Variants in GLP1R observed in about 807,000 individuals in gnomAD.
GLP1R encodes glucagon like peptide 1 receptor.
Under a neutral mutation model 68.4 loss-of-function variants are expected in GLP1R, and 32 were observed. The observed-to-expected ratio is 0.47, with a 90% CI of 0.35 to 0.63. The LOEUF (loss-of-function observed/expected upper bound fraction) is 0.63. Ranked by LOEUF, GLP1R falls within the 20% of genes least tolerant of loss-of-function variation. GLP1R has a pLI of 0.00. For synonymous variants in GLP1R, 263 were observed against 244.4 expected, an observed-to-expected ratio of 1.08 and a Z score of -0.71; for missense variants, 502 against 594.9, an observed-to-expected ratio of 0.84 and a Z score of 1.62.
Position 39,090,762 on chromosome 6 carries a change from A to G in GLP1R, c.*4689A>G, listed in dbSNP as rs1284907260. Among the ~76,000 whole-genome samples the G allele has an allele frequency of 6.6e-6, 1 of 152,172 alleles. No homozygotes were observed. Among genetic ancestry groups the G allele is most frequent in the Admixed American group, 6.5e-5 (1 of 15,278 alleles). ...AAGCAATTCAGGACAAGAAAAACAT[A>G]TCTAAATGAGAATGTTTAGATGTGG... On this transcript the variant is annotated 3_prime_UTR_variant, in exon 13 of 13. Transcript: ENST00000373256.
chr6:39,057,535 T>C lies in GLP1R; in HGVS notation c.239T>C (p.Phe80Ser). ...ACWPDGEPGS[F>S]VNVSCPWYLP... ...TGGCCAGATGGGGAGCCAGGCTCGT[T>C]CGTGAATGTCAGCTGCCCCTGGTAC... The change falls in exon 3 of 13, where the codon TTC (phenylalanine) becomes TCC (serine). Residue 80 changes from phenylalanine to serine, a missense_variant. Coordinates refer to ENST00000373256, the MANE Select transcript of GLP1R (RefSeq NM_002062.5). 6.2e-7 allele frequency: 1 copy of C among 1,613,240 alleles called. No homozygotes were observed. The highest frequency in any genetic ancestry group is 8.5e-7 in the Non-Finnish European group (1 of 1,179,662).
Position 39,056,377 on chromosome 6 carries a change from CATA to C in GLP1R, c.79-19_79-17del. 7.4e-7 allele frequency: 1 copy of C among 1,354,254 alleles called. No individual in the cohort carries two copies. The allele number at this position is 1,354,254 out of a possible 1,614,324, so 83.9% of individuals were successfully genotyped here. ...GGGCTGGCTGAACCCACAGGCCTCC[CATA>C]TATGCCCTCCCCCCAGGGTGCCACT... On this transcript the variant is annotated splice_polypyrimidine_tract_variant and intron_variant, in intron 1 of 12. Coordinates refer to ENST00000373256, the MANE Select transcript of GLP1R (RefSeq NM_002062.5).
rs1451752913 is a variant in GLP1R at position 39,090,788 on chromosome 6, T to A, written c.*4715T>A. ...TCTAAATGAGAATGTTTAGATGTGG[T>A]GAGAAAAGAGCTCTCACCACAATTT... On this transcript the variant is annotated 3_prime_UTR_variant, in exon 13 of 13. Transcript: ENST00000373256. Among the ~76,000 whole-genome samples, 1 of 152,136 alleles carries A rather than the reference T, an allele frequency of 6.6e-6. No homozygotes were observed. The highest frequency in any genetic ancestry group is 1.5e-5 in the Non-Finnish European group (1 of 68,026).
At chr6:39,055,095 C>T (rs76748002) in intron 1 of GLP1R, among the ~76,000 whole-genome samples, 1 of 152,182 alleles carries the variant, frequency 6.6e-6, no homozygotes, top group East Asian at 1.9e-4. Flanking sequence ...TGGGCCCTTC[C>T]ATGGGGCCTC....
chr6:39,065,644 A>G (rs910163), intron 3 of GLP1R, 67 bp from the exon 4 acceptor site: 474,671 of 899,210 alleles, frequency 0.53, 127,609 homozygotes, highest in South Asian at 0.57. Flanking sequence ...GAGGAAGGGG[A>G]GCATCTAGCA....
At chr6:39,059,513 T>C (rs1378041541) in intron 3 of GLP1R, among the ~76,000 whole-genome samples, 2 of 152,060 alleles carry the variant, frequency 1.3e-5, no homozygotes, top group Non-Finnish European at 2.9e-5. Context: ...TCCTATGAAC[T>C]CTGCAATCTG....
chr6:39,060,587 A>C (rs1404761706), intron 3 of GLP1R, among the ~76,000 whole-genome samples: 1 of 152,184 alleles, frequency 6.6e-6, no homozygotes, highest in Non-Finnish European at 1.5e-5. Context: ...TCACAGGCAG[A>C]CTTCAAATCA....
In GLP1R at chr6:39,060,356, A is replaced by G. The variant is rs149272090; in HGVS notation, c.283+2777A>G. Among the ~76,000 whole-genome samples the G allele has an allele frequency of 1.1e-3, 166 of 152,320 alleles. 1 individual carries two copies. The highest frequency in any genetic ancestry group is 1.8e-3 in the Non-Finnish European group (123 of 68,026). ...TGGCAGAAAACATGCTCAGTTGGCAATTTGGAGAGAATTTAATGTTGGGGA... is the reference window on the plus strand; with the variant it reads ...TGGCAGAAAACATGCTCAGTTGGCAGTTTGGAGAGAATTTAATGTTGGGGA... On this transcript the variant is annotated intron_variant, in intron 3 of 12. Coordinates refer to ENST00000373256, the MANE Select transcript of GLP1R (RefSeq NM_002062.5).
intron 5 of GLP1R, among the ~76,000 whole-genome samples, chr6:39,066,689 T>C (rs1768529101): frequency 6.6e-6 from 1 of 152,188 alleles, no homozygotes; most frequent in Admixed American, 6.5e-5. Flanking sequence ...GGATTAGAGA[T>C]CTTCCTCCCT....
intron 3 of GLP1R, among the ~76,000 whole-genome samples, chr6:39,062,846 T>C (rs1400661005): frequency 6.6e-6 from 1 of 152,254 alleles, no homozygotes; most frequent in East Asian, 1.9e-4. Flanking sequence ...ACAATGGGAC[T>C]AACTGTTCCT....
chr6:39,072,998 G>A lies in GLP1R; in HGVS notation c.646G>A (p.Gly216Arg). 6.2e-7 allele frequency: 1 copy of A among 1,614,036 alleles called. No individual in the cohort carries two copies. The highest frequency in any genetic ancestry group is 1.3e-5 in the African/African-American group (1 of 75,062). ...STAAQQHQWD[G>R]LLSYQDSLSC... ...AGCCGCCCAGCAGCACCAGTGGGAT[G>A]GGCTCCTCTCCTACCAGGTGTGTGG... The change falls in exon 6 of 13, where the codon GGG becomes AGG. Residue 216 changes from glycine to arginine, a missense_variant. Physicochemically the swap from Gly to Arg is moderately radical, Grantham distance 125. Transcript: ENST00000373256.
chr6:39,065,928 T>G (rs1768494793), intron 4 of GLP1R, 99 bp downstream of exon 4: 1 of 729,332 alleles, frequency 1.4e-6, no homozygotes, highest in Admixed American at 2.2e-5. Context: ...GCATCTGTGG[T>G]CATTTCATCC....
chr6:39,076,559 C>A (rs193006469), intron 7 of GLP1R, among the ~76,000 whole-genome samples: 86 of 152,216 alleles, frequency 5.6e-4, no homozygotes, highest in African/African-American at 1.7e-3. Context: ...GTTGAGTGGA[C>A]ACTGATGTGC....
chr6:39,083,353 G>C (rs1212244940), intron 12 of GLP1R, among the ~76,000 whole-genome samples: 1 of 152,246 alleles, frequency 6.6e-6, no homozygotes, highest in African/African-American at 2.4e-5. Context: ...TGGCTCTGGG[G>C]CTAAGGCCTC....
rs1236191831 is a variant in GLP1R, at chr6:39,089,084, T to C, written c.*3011T>C. On this transcript the variant is annotated 3_prime_UTR_variant, in exon 13 of 13. Transcript: ENST00000373256. The surrounding 1 kb of genome is among the most constrained non-coding windows in gnomAD (Gnocchi z 4.1). Reference sequence around the variant, plus strand: ...CAGCAGCAAAGGTAGACTCATCAGATGGTGAAAGTGTCATCTCCTTTGTAA... The same window carrying C: ...CAGCAGCAAAGGTAGACTCATCAGACGGTGAAAGTGTCATCTCCTTTGTAA... Among the ~76,000 whole-genome samples the C allele has an allele frequency of 6.6e-6, 1 of 152,248 alleles. No homozygotes were observed. Among genetic ancestry groups the C allele is most frequent in the Non-Finnish European group, 1.5e-5 (1 of 68,040 alleles).
rs138965775 is a variant in GLP1R at position 39,072,977 on chromosome 6, G to A, written c.625G>A (p.Ala209Thr). The change falls in exon 6 of 13, where the codon GCC becomes ACC. Residue 209 changes from alanine (A) to threonine (T), a missense_variant. Physicochemically the swap from Ala to Thr is moderately conservative, Grantham distance 58. Transcript: ENST00000373256. Reference protein sequence around the residue: ...AALKWMYSTAAQQHQWDGLLS... With the variant: ...AALKWMYSTATQQHQWDGLLS... ...CCTGAAGTGGATGTATAGCACAGCC[G>A]CCCAGCAGCACCAGTGGGATGGGCT... is the stretch of plus-strand genomic sequence containing the variant. 9.7e-5 allele frequency: 157 copies of A among 1,613,944 alleles called. 1 individual carries two copies. The highest frequency in any genetic ancestry group is 4.5e-4 in the Admixed American group (27 of 60,008).
At position 39,079,224 on chromosome 6, in the gene GLP1R, C is replaced by T; in HGVS notation, c.1043+24C>T. The T allele has an allele frequency of 6.6e-7, 1 of 1,514,294 alleles. No individual in the cohort carries two copies. 93.8% of individuals were successfully genotyped at this position (1,514,294 alleles called of 1,614,324 possible). A position where few individuals can be genotyped will look rare whatever the true frequency, so the allele number is the denominator to read the frequency against. ...AGGTGATGTAACTGAGCTGGCTTTA[C>T]TGAGGACCCTCAGCAAGTGCCCCTT... On this transcript the variant is annotated intron_variant, in intron 10 of 12. Transcript: ENST00000373256. This position sits in a 1 kb window ranked among gnomAD's most constrained non-coding sequence, Gnocchi z 4.5.
intron 1 of GLP1R, among the ~76,000 whole-genome samples, chr6:39,056,011 A>G (rs990659241): frequency 2.0e-5 from 3 of 152,180 alleles, no homozygotes; most frequent in Non-Finnish European, 4.4e-5. Flanking sequence ...AGGCAGGCTG[A>G]CTAGGCGCCA....
Position 39,087,201 on chromosome 6 carries a change from G to A in GLP1R, c.*1128G>A, listed in dbSNP as rs1229212400. The A allele has an allele frequency of 1.3e-5, 2 of 152,210 alleles. No homozygotes were observed. Among genetic ancestry groups the A allele is most frequent in the African/African-American group, 4.8e-5 (2 of 41,440 alleles). The allele number at this position is 152,210 out of a possible 1,614,324, so 9.4% of individuals were successfully genotyped here. A position where few individuals can be genotyped will look rare whatever the true frequency, so the allele number is the denominator to read the frequency against. On this transcript the variant is annotated 3_prime_UTR_variant, in exon 13 of 13. Transcript: ENST00000373256. ...TTCTTTATTGCTGTGAATAGTCTGT[G>A]TGCACAATGGGCAATTCTGACTTCT... is the stretch of plus-strand genomic sequence containing the variant.
Sources: allele counts gnomAD v4.1 joint callset (sites outside exome capture counted in the v4.1 genomes callset), GRCh38; gene constraint gnomAD v4.1.1; non-coding constraint Gnocchi (gnomAD v3.1); transcripts MANE v1.5; gene names NCBI Gene and HGNC (gene_info 2026-07-23, HGNC 2026-07-21).